The following ASIC2 variants were observed in gnomAD, a reference collection of about 807,000 sequenced individuals.
ASIC2 encodes the protein acid-sensing ion channel 2.
A neutral mutation model predicts 57.3 loss-of-function variants in ASIC2; 25 were observed. The ratio of observed to expected loss-of-function variants is 0.44; its 90% CI spans 0.32 to 0.61. The LOEUF (loss-of-function observed/expected upper bound fraction) is 0.61, where lower values mean the gene tolerates loss of function less well. Ranked by LOEUF, ASIC2 falls within the 20% of genes least tolerant of loss-of-function variation. The pLI, the probability that ASIC2 is intolerant of heterozygous loss-of-function variation, is 0.06. For synonymous variants in ASIC2, 319 were observed against 307.5 expected, an observed-to-expected ratio of 1.04 and a Z score of -0.39; for missense variants, 641 against 738.1, an observed-to-expected ratio of 0.87 and a Z score of 1.52.
At chr17:33,770,852 T>G (rs1018116018) in intron 1 of ASIC2, among the ~76,000 whole-genome samples, 6 of 152,226 alleles carry the variant, frequency 3.9e-5, no homozygotes, top group Non-Finnish European at 7.3e-5. Flanking sequence ...AGACTCATTG[T>G]GAGGTCTCTG....
At chr17:33,825,307 C>A (rs890606628) in intron 1 of ASIC2, among the ~76,000 whole-genome samples, 1 of 152,072 alleles carries the variant, frequency 6.6e-6, no homozygotes, top group Non-Finnish European at 1.5e-5. Context: ...AAGACCAAAG[C>A]AATAGGGTGA....
intron 1 of ASIC2, among the ~76,000 whole-genome samples, chr17:33,129,899 A>C (rs1290988578): frequency 6.6e-6 from 1 of 152,218 alleles, no homozygotes; most frequent in African/African-American, 2.4e-5. Context: ...TGCTGTTTGC[A>C]AATGGTCGTG....
chr17:33,798,952 T>C (rs1278497138), intron 1 of ASIC2, among the ~76,000 whole-genome samples: 1 of 152,132 alleles, frequency 6.6e-6, no homozygotes, highest in Non-Finnish European at 1.5e-5. Context: ...AATTGGGAGC[T>C]GGGACTGCGA....
intron 1 of ASIC2, among the ~76,000 whole-genome samples, chr17:33,405,276 G>A (rs1910428701): frequency 1.3e-5 from 2 of 151,962 alleles, no homozygotes; most frequent in African/African-American, 4.8e-5. Context: ...GGGCTGCTTT[G>A]GATGTTATGG....
intron 1 of ASIC2, among the ~76,000 whole-genome samples, chr17:33,606,413 C>T (rs1015448136): frequency 2.6e-5 from 4 of 152,186 alleles, no homozygotes; most frequent in Non-Finnish European, 4.4e-5. Flanking sequence ...TTGGACCTTT[C>T]CAGGTGTGAA....
At chr17:33,376,896 A>C (rs1909297985) in intron 1 of ASIC2, among the ~76,000 whole-genome samples, 1 of 152,178 alleles carries the variant, frequency 6.6e-6, no homozygotes, top group Non-Finnish European at 1.5e-5. Flanking sequence ...ATTATTTTTC[A>C]ATTCTCACAA....
intron 1 of ASIC2, among the ~76,000 whole-genome samples, chr17:33,451,566 C>T (rs535983525): frequency 6.6e-6 from 1 of 152,298 alleles, no homozygotes; most frequent in South Asian, 2.1e-4. Flanking sequence ...CTTCCCGTGA[C>T]ACAAAACCAA....
At chr17:34,155,022 C>G (rs1904662120) in intron 1 of ASIC2, among the ~76,000 whole-genome samples, 1 of 151,998 alleles carries the variant, frequency 6.6e-6, no homozygotes, top group Non-Finnish European at 1.5e-5. Context: ...TCCAGTAAGC[C>G]CCATCCTGAA....
At chr17:33,261,331 G>T (rs1420095421) in intron 1 of ASIC2, among the ~76,000 whole-genome samples, 1 of 152,150 alleles carries the variant, frequency 6.6e-6, no homozygotes, top group African/African-American at 2.4e-5. Context: ...TAATCCTCCT[G>T]TTGTTTGTGG....
chr17:33,488,074 G>GA (rs1489650100), intron 1 of ASIC2, among the ~76,000 whole-genome samples: 1 of 152,130 alleles, frequency 6.6e-6, no homozygotes, highest in Non-Finnish European at 1.5e-5. Context: ...AGAGAACCTT[G>GA]ACTAATACAG....
rs576668439 is a variant in ASIC2, at chr17:33,233,185, A to G, written c.708+58223T>C. Among the ~76,000 whole-genome samples, 4 of 151,040 alleles carry G rather than the reference A, an allele frequency of 2.6e-5. No individual in the cohort carries two copies. In the South Asian group the frequency reaches 6.4e-4, roughly 24 times the overall value. ...CCTCAGCGGTCTGGGTAAGCCATCA[A>G]CTTCATCAGTTGAAGACAGCTACAC... is the stretch of plus-strand genomic sequence containing the variant. On this transcript the variant is annotated intron_variant, in intron 1 of 9. Transcript: ENST00000225823.
chr17:33,095,133 T>C (rs1427122739), intron 2 of ASIC2, among the ~76,000 whole-genome samples: 1 of 152,234 alleles, frequency 6.6e-6, no homozygotes, highest in Non-Finnish European at 1.5e-5. Context: ...CTCAACAATT[T>C]GCAGTGTCAT....
At chr17:34,132,824 T>G (rs2158262) in intron 1 of ASIC2, among the ~76,000 whole-genome samples, 71,036 of 151,956 alleles carry the variant, frequency 0.47, 16,929 homozygotes, top group Middle Eastern at 0.54. Flanking sequence ...AGCTGTGAAG[T>G]CTCAGGTAAA....
chr17:33,814,521 A>G (rs1474840386), intron 1 of ASIC2, among the ~76,000 whole-genome samples: 2 of 152,216 alleles, frequency 1.3e-5, no homozygotes, highest in Admixed American at 1.3e-4. Context: ...CAATGTTGCC[A>G]TAAAATAATG....
At chr17:33,624,644 G>C (rs1249203702) in intron 1 of ASIC2, among the ~76,000 whole-genome samples, 1 of 152,218 alleles carries the variant, frequency 6.6e-6, no homozygotes, top group Admixed American at 6.5e-5. Context: ...TTGCTGCCAA[G>C]TAGTTGTTTG....
intron 3 of ASIC2, among the ~76,000 whole-genome samples, chr17:33,084,567 A>G (rs2092127106): frequency 6.6e-6 from 1 of 152,206 alleles, no homozygotes; most frequent in Non-Finnish European, 1.5e-5. Context: ...TCAACCACGC[A>G]GTTTTGTCAT....
intron 2 of ASIC2, among the ~76,000 whole-genome samples, chr17:33,103,337 G>A (rs1381265009): frequency 6.6e-6 from 1 of 152,114 alleles, no homozygotes; most frequent in Non-Finnish European, 1.5e-5. Flanking sequence ...CCCTATAAAT[G>A]TAGATAATAT....
At chr17:33,645,348 G>A (rs1906707384) in intron 1 of ASIC2, among the ~76,000 whole-genome samples, 1 of 152,110 alleles carries the variant, frequency 6.6e-6, no homozygotes, top group South Asian at 2.1e-4. Flanking sequence ...TCTGTGAAGG[G>A]CTTTGGTTTC....
intron 1 of ASIC2, among the ~76,000 whole-genome samples, chr17:33,131,242 G>C (rs751505958): frequency 1.3e-4 from 20 of 152,144 alleles, no homozygotes; most frequent in Non-Finnish European, 2.1e-4. Flanking sequence ...ATGAGTGTCT[G>C]CATGGCTTAA....
Sources: gnomAD v4.1 joint callset for allele counts (sites outside exome capture counted in the v4.1 genomes callset) on GRCh38, gnomAD v4.1.1 for gene constraint, MANE v1.5 for transcripts, NCBI Gene and HGNC (gene_info 2026-07-23, HGNC 2026-07-21) for gene names.